RGS5: variants seen among roughly 807,000 people sequenced by gnomAD.
The protein encoded by RGS5 is regulator of G-protein signalling 5.
In RGS5, 20 loss-of-function variants were observed where a neutral mutation model predicts 18.9. The observed-to-expected ratio is 1.06, with a 90% CI of 0.74 to 1.54. The LOEUF (loss-of-function observed/expected upper bound fraction) is 1.54. Ranked by LOEUF, RGS5 falls within the 40% of genes most tolerant of loss-of-function variation. The probability of loss-of-function intolerance (pLI) is 0.00; values close to 1 mark genes in which losing one functional copy is unlikely to be tolerated. For missense variants in RGS5, 201 were observed against 211.8 expected (o/e 0.95, Z 0.32); for synonymous variants, 57 against 76.2 (o/e 0.75, Z 1.31).
intron 2 of RGS5, among the ~76,000 whole-genome samples, chr1:163,225,957 G>A (rs1230789581): frequency 6.7e-6 from 1 of 149,972 alleles, no homozygotes; most frequent in Non-Finnish European, 1.5e-5. Flanking sequence ...TTTGGCTCTT[G>A]TTGCCCAGGG....
chr1:163,192,831 A>G (rs1355237936), intron 1 of RGS5, among the ~76,000 whole-genome samples: 1 of 152,208 alleles, frequency 6.6e-6, no homozygotes, highest in East Asian at 1.9e-4. Context: ...CCTTGTCCCA[A>G]GTACACAGGT....
chr1:163,297,633 G>GT (rs1045879479), intron 2 of RGS5, among the ~76,000 whole-genome samples: 1 of 152,036 alleles, frequency 6.6e-6, no homozygotes, highest in African/African-American at 2.4e-5. Context: ...TTGCTCCACA[G>GT]TTGTACTCAT....
intron 1 of RGS5, among the ~76,000 whole-genome samples, chr1:163,178,175 G>T (rs1480089969): frequency 6.6e-6 from 1 of 152,116 alleles, no homozygotes; most frequent in Non-Finnish European, 1.5e-5. Context: ...GCCAGGCGTG[G>T]TGGTACGTGC....
At chr1:163,264,354 T>C (rs1648525326) in intron 2 of RGS5, among the ~76,000 whole-genome samples, 1 of 152,158 alleles carries the variant, frequency 6.6e-6, no homozygotes, top group Non-Finnish European at 1.5e-5. Flanking sequence ...TCCTTATCTA[T>C]AAAATTAGAC....
intron 2 of RGS5, among the ~76,000 whole-genome samples, chr1:163,269,120 A>G (rs1414417184): frequency 6.6e-6 from 1 of 152,182 alleles, no homozygotes; most frequent in Non-Finnish European, 1.5e-5. Context: ...TTGCTCTTAG[A>G]AAATAATTTT....
chr1:163,157,877 T>G (rs1177050413), intron 3 of RGS5, among the ~76,000 whole-genome samples: 2 of 152,106 alleles, frequency 1.3e-5, no homozygotes, highest in African/African-American at 2.4e-5. Flanking sequence ...GGGGTCTTTT[T>G]ATGTTGCCCA....
intron 2 of RGS5, among the ~76,000 whole-genome samples, chr1:163,261,176 T>C (rs1648424668): frequency 6.6e-6 from 1 of 152,190 alleles, no homozygotes; most frequent in African/African-American, 2.4e-5. Context: ...CCAGTTTGAA[T>C]CTAAGATTAG....
At chr1:163,295,761 G>A (rs1028108951) in intron 2 of RGS5, among the ~76,000 whole-genome samples, 3 of 152,170 alleles carry the variant, frequency 2.0e-5, no homozygotes, top group Admixed American at 6.5e-5. Context: ...CAAATATCCT[G>A]GCTTCAGTTT....
intron 1 of RGS5, among the ~76,000 whole-genome samples, chr1:163,168,589 A>C (rs1223782321): frequency 1.3e-5 from 2 of 152,216 alleles, no homozygotes; most frequent in African/African-American, 4.8e-5. Context: ...TTTGCACTAC[A>C]TTTTAATCCT....
Position 163,144,998 on chromosome 1 carries a change from G to C in RGS5, c.*2344C>G, listed in dbSNP as rs11549893. ...AGATATAGATAGATAGATATATGTA[G>C]ATATATAGATATAATGTCACAATAT... On this transcript the variant is annotated 3_prime_UTR_variant, in exon 5 of 5. Coordinates refer to ENST00000313961, the MANE Select transcript of RGS5 (RefSeq NM_003617.4). 6.6e-6 allele frequency: 1 copy of C among 152,046 alleles called. No individual in the cohort carries two copies. The highest frequency in any genetic ancestry group is 1.9e-4 in the East Asian group (1 of 5,186). 9.4% of individuals were successfully genotyped at this position (152,046 alleles called of 1,614,324 possible). A position where few individuals can be genotyped will look rare whatever the true frequency, so the allele number is the denominator to read the frequency against.
chr1:163,248,034 T>C (rs1005080178), intron 2 of RGS5, among the ~76,000 whole-genome samples: 4 of 152,176 alleles, frequency 2.6e-5, no homozygotes, highest in Non-Finnish European at 5.9e-5. Context: ...ATCTCATAAA[T>C]ATGTAGTTAG....
chr1:163,295,981 A>G (rs753012113), intron 2 of RGS5, among the ~76,000 whole-genome samples: 4 of 152,192 alleles, frequency 2.6e-5, no homozygotes, highest in Non-Finnish European at 4.4e-5. Flanking sequence ...GAGAGGAAAA[A>G]AAATTTATCA....
intron 2 of RGS5, among the ~76,000 whole-genome samples, chr1:163,223,523 T>G (rs778993810): frequency 8.5e-5 from 13 of 152,144 alleles, no homozygotes; most frequent in Non-Finnish European, 1.8e-4. Context: ...ATGATACATA[T>G]TTTTCAGCAT....
At chr1:163,313,143 G>A (rs966667234) in intron 1 of RGS5, among the ~76,000 whole-genome samples, 13 of 152,304 alleles carry the variant, frequency 8.5e-5, no homozygotes, top group African/African-American at 3.1e-4. Flanking sequence ...GGGTAGAAAT[G>A]TCTCTTAACA....
At chr1:163,190,354 C>T (rs1404181411) in intron 1 of RGS5, among the ~76,000 whole-genome samples, 1 of 152,090 alleles carries the variant, frequency 6.6e-6, no homozygotes, top group Non-Finnish European at 1.5e-5. Flanking sequence ...ACCTTTATAA[C>T]TGAAGGACAT....
At chr1:163,240,792 C>T (rs1336694389) in intron 2 of RGS5, among the ~76,000 whole-genome samples, 1 of 152,178 alleles carries the variant, frequency 6.6e-6, no homozygotes, top group Non-Finnish European at 1.5e-5. Flanking sequence ...GCTGAGGTTA[C>T]AGGTGTGAGC....
intron 2 of RGS5, among the ~76,000 whole-genome samples, chr1:163,297,388 G>C (rs1160205110): frequency 6.6e-6 from 1 of 152,160 alleles, no homozygotes; most frequent in South Asian, 2.1e-4. Flanking sequence ...TTGTGTAGGA[G>C]AGCTATGTTT....
Position 163,309,674 on chromosome 1 carries a change from G to C in RGS5, c.-377-3345C>G, listed in dbSNP as rs557790435. Among the ~76,000 whole-genome samples, 10 of 152,096 alleles carry C rather than the reference G, an allele frequency of 6.6e-5. No homozygotes were observed. The East Asian group carries it at 1.7e-3, about 26-fold the overall frequency. On this transcript the variant is annotated intron_variant, in intron 1 of 5. Transcript: ENST00000618415. ...GTCATGAAGTCATTCATAAGGCCTG[G>C]AATTAACTTCTTCCAAATTCCTATT...
chr1:163,262,053 C>T (rs963180890), intron 2 of RGS5, among the ~76,000 whole-genome samples: 4 of 150,614 alleles, frequency 2.7e-5, no homozygotes, highest in South Asian at 4.2e-4. Flanking sequence ...AATCTAGAGG[C>T]GAGGAGGCAG....
Sources: gnomAD v4.1 joint callset for allele counts (sites outside exome capture counted in the v4.1 genomes callset) on GRCh38, gnomAD v4.1.1 for gene constraint, MANE v1.5 for transcripts, NCBI Gene and HGNC (gene_info 2026-07-23, HGNC 2026-07-21) for gene names.